RPRD1A: variants seen among roughly 807,000 people sequenced by gnomAD.
RPRD1A encodes regulation of nuclear pre-mRNA domain-containing protein 1A.
A neutral mutation model predicts 37.8 loss-of-function variants in RPRD1A; 9 were observed. The ratio of observed to expected loss-of-function variants is 0.24; its 90% CI spans 0.14 to 0.42. The LOEUF (loss-of-function observed/expected upper bound fraction) is 0.42. Among genes scored for constraint, RPRD1A ranks in the 10% least tolerant of loss-of-function variants. The probability of loss-of-function intolerance (pLI) is 1.00; values close to 1 mark genes in which losing one functional copy is unlikely to be tolerated. For synonymous variants in RPRD1A, 138 were observed against 139.7 expected (o/e 0.99, Z 0.08); for missense variants, 255 against 371.0 (o/e 0.69, Z 2.57).
At chr18:35,998,744 C>G (rs1909242343) in intron 6 of RPRD1A, among the ~76,000 whole-genome samples, 1 of 152,228 alleles carries the variant, frequency 6.6e-6, no homozygotes, top group Non-Finnish European at 1.5e-5. Context: ...TTCCCCTGTT[C>G]TTAGCATCCT....
At chr18:36,037,716 G>GGCTTTGACCA (rs1431513815) in intron 1 of RPRD1A, among the ~76,000 whole-genome samples, 5 of 152,168 alleles carry the variant, frequency 3.3e-5, no homozygotes, top group African/African-American at 1.2e-4. Context: ...CTTGTTGAAT[G>GGCTTTGACCA]GCTTTGACCA....
chr18:36,047,902 G>A (rs1047661729), intron 1 of RPRD1A, among the ~76,000 whole-genome samples: 5 of 152,004 alleles, frequency 3.3e-5, no homozygotes, highest in Non-Finnish European at 7.4e-5. Flanking sequence ...AATGTTTAAA[G>A]AATCTTTAAA....
chr18:36,006,053 A>G (rs901031926), intron 6 of RPRD1A, among the ~76,000 whole-genome samples: 1 of 152,228 alleles, frequency 6.6e-6, no homozygotes, highest in Non-Finnish European at 1.5e-5. Flanking sequence ...GCATCTACCT[A>G]TGACAATCAC....
chr18:36,017,719 T>A (rs1267236367), intron 6 of RPRD1A, among the ~76,000 whole-genome samples: 1 of 152,242 alleles, frequency 6.6e-6, no homozygotes, highest in Admixed American at 6.5e-5. Context: ...AGCATTAGTA[T>A]TGATATTACA....
chr18:36,027,484 C>A (rs951732270), intron 4 of RPRD1A, 174 bp from the exon 5 acceptor site: 2 of 627,168 alleles, frequency 3.2e-6, no homozygotes, highest in South Asian at 2.2e-5. Flanking sequence ...GGAGGCTATA[C>A]TATGTTAGGT....
chr18:36,039,019 G>A (rs1912393877), intron 1 of RPRD1A, among the ~76,000 whole-genome samples: 1 of 152,182 alleles, frequency 6.6e-6, no homozygotes, highest in African/African-American at 2.4e-5. Context: ...GAGACTTTGG[G>A]CTTGGACTTT....
chr18:36,037,999 G>C (rs974168574), intron 1 of RPRD1A, among the ~76,000 whole-genome samples: 7 of 152,152 alleles, frequency 4.6e-5, no homozygotes, highest in Non-Finnish European at 2.9e-5. Context: ...CAAAGATACG[G>C]TTTGGAATTG....
chr18:36,008,083 ACAAAT>A (rs1257835310), intron 6 of RPRD1A, among the ~76,000 whole-genome samples: 2 of 152,104 alleles, frequency 1.3e-5, no homozygotes, highest in Non-Finnish European at 2.9e-5. Context: ...CTAGAAAAAT[ACAAAT>A]CAAAACAAAA....
intron 6 of RPRD1A, among the ~76,000 whole-genome samples, chr18:36,024,199 G>A (rs766053538): frequency 1.3e-5 from 2 of 151,582 alleles, no homozygotes; most frequent in Non-Finnish European, 2.9e-5. Flanking sequence ...CAGTCTGGAG[G>A]GCAGTGGTGT....
chr18:35,993,436 C>T (rs1908832717), intron 6 of RPRD1A, 136 bp from the exon 7 acceptor site: 1 of 814,358 alleles, frequency 1.2e-6, no homozygotes, highest in African/African-American at 1.7e-5. Context: ...TGTGAGTTTT[C>T]ACATCAAAAG....
chr18:36,048,615 G>T (rs1209895563), intron 1 of RPRD1A, among the ~76,000 whole-genome samples: 2 of 139,990 alleles, frequency 1.4e-5, no homozygotes, highest in African/African-American at 2.6e-5. Flanking sequence ...CAAGAATAGA[G>T]AATTTCCTCA....
intron 1 of RPRD1A, among the ~76,000 whole-genome samples, chr18:36,039,825 G>A (rs1381338696): frequency 2.0e-5 from 3 of 151,952 alleles, no homozygotes. Flanking sequence ...ATGGAAAGCA[G>A]CAGCAGGAAA....
At chr18:36,008,577 G>GTGTGTGTGTGTATATA in intron 6 of RPRD1A, among the ~76,000 whole-genome samples, 4 of 47,798 alleles carry the variant, frequency 8.4e-5, no homozygotes, top group Non-Finnish European at 1.7e-4. Flanking sequence ...CCTTGTGTGT[G>GTGTGTGTGTGTATATA]TATATATATA....
chr18:36,044,275 C>G (rs1912799518), intron 1 of RPRD1A, among the ~76,000 whole-genome samples: 1 of 152,052 alleles, frequency 6.6e-6, no homozygotes, highest in South Asian at 2.1e-4. Flanking sequence ...TAGAAGTGGA[C>G]CTGGGCAGTT....
intron 6 of RPRD1A, chr18:36,025,582 T>C: frequency 8.1e-7 from 1 of 1,234,042 alleles, no homozygotes. Flanking sequence ...TTCAAAAACA[T>C]GAGACAATAC....
intron 6 of RPRD1A, among the ~76,000 whole-genome samples, chr18:36,016,006 C>T (rs1910544836): frequency 6.6e-6 from 1 of 152,180 alleles, no homozygotes; most frequent in Admixed American, 6.5e-5. Flanking sequence ...ACTATACCAT[C>T]CCTGTGCACC....
intron 1 of RPRD1A, among the ~76,000 whole-genome samples, chr18:36,040,632 C>A (rs1241985491): frequency 3.9e-5 from 6 of 152,136 alleles, no homozygotes; most frequent in African/African-American, 1.4e-4. Flanking sequence ...ACTAAGAATA[C>A]TGCAATAGGC....
At chr18:36,012,980 G>T (rs1469475111) in intron 6 of RPRD1A, among the ~76,000 whole-genome samples, 1 of 152,190 alleles carries the variant, frequency 6.6e-6, no homozygotes, top group East Asian at 1.9e-4. Flanking sequence ...AGCTGTGACT[G>T]CTGTGGTTTC....
chr18:36,010,682 G>A (rs1910122665), intron 6 of RPRD1A, among the ~76,000 whole-genome samples: 1 of 152,208 alleles, frequency 6.6e-6, no homozygotes, highest in Admixed American at 6.5e-5. Flanking sequence ...TCATATTTGA[G>A]AATACTGGCA....
Sources: gnomAD v4.1 joint callset for allele counts (sites outside exome capture counted in the v4.1 genomes callset) on GRCh38, gnomAD v4.1.1 for gene constraint, MANE v1.5 for transcripts, NCBI Gene and HGNC (gene_info 2026-07-23, HGNC 2026-07-21) for gene names.